SLC25A40: variants seen among roughly 807,000 people sequenced by gnomAD.
SLC25A40 encodes mitochondrial glutathione transporter SLC25A40.
In SLC25A40, 41 loss-of-function variants were observed where a neutral mutation model predicts 46.5. The ratio of observed to expected loss-of-function variants is 0.88; its 90% confidence interval spans 0.69 to 1.14. The LOEUF (loss-of-function observed/expected upper bound fraction) is 1.14. Among genes scored for constraint, SLC25A40 ranks in the 50% most tolerant of loss-of-function variants. SLC25A40 has a pLI of 0.00. For synonymous variants in SLC25A40, 126 were observed against 127.5 expected (o/e 0.99, Z 0.08); for missense variants, 386 against 393.6 (o/e 0.98, Z 0.16).
chr7:87,852,239 G>A (rs1423524931), intron 5 of SLC25A40, among the ~76,000 whole-genome samples: 1 of 151,982 alleles, frequency 6.6e-6, no homozygotes, highest in African/African-American at 2.4e-5. Flanking sequence ...GATTTATGTG[G>A]AAAGACAAAG....
chr7:87,861,451 A>C (rs934597130), intron 1 of SLC25A40, among the ~76,000 whole-genome samples: 1 of 152,190 alleles, frequency 6.6e-6, no homozygotes, highest in African/African-American at 2.4e-5. Context: ...AAGGACCATA[A>C]TGTTCTAATA....
chr7:87,864,132 G>C (rs1039975611), intron 1 of SLC25A40, among the ~76,000 whole-genome samples: 1 of 152,156 alleles, frequency 6.6e-6, no homozygotes, highest in Non-Finnish European at 1.5e-5. Context: ...ATGTCTGAAT[G>C]ATCTGTCCAT....
At chr7:87,858,387 T>C (rs1375242909) in intron 3 of SLC25A40, among the ~76,000 whole-genome samples, 3 of 152,142 alleles carry the variant, frequency 2.0e-5, no homozygotes, top group Non-Finnish European at 2.9e-5. Flanking sequence ...CCCCTCCCCT[T>C]TTGAAATCCT....
At chr7:87,848,113 T>C in intron 6 of SLC25A40, 136 bp from the exon 7 acceptor site, 1 of 965,338 alleles carries the variant, frequency 1.0e-6, no homozygotes. Flanking sequence ...TAAATCAGCC[T>C]ATGAGATCAA....
chr7:87,841,823 C>T (rs910092053), intron 9 of SLC25A40, 109 bp from the exon 10 acceptor site: 14 of 517,824 alleles, frequency 2.7e-5, no homozygotes, highest in Non-Finnish European at 3.7e-5. Flanking sequence ...AAACAATAAC[C>T]GAACTTTAAA....
intron 1 of SLC25A40, among the ~76,000 whole-genome samples, chr7:87,868,784 T>C (rs1008402767): frequency 6.6e-6 from 1 of 152,170 alleles, no homozygotes; most frequent in African/African-American, 2.4e-5. Flanking sequence ...TCTCAGGTTT[T>C]TATGAAGGCT....
rs998017655 is a variant in SLC25A40, at chr7:87,840,737, C to A, written c.823+896G>T. Among the ~76,000 whole-genome samples, 10 of 151,704 alleles carry A rather than the reference C, an allele frequency of 6.6e-5. 1 individual carries two copies. In the South Asian group the frequency reaches 1.4e-3, roughly 22 times the overall value. ...ATATAATAAAATTTTGATTACCTCC[C>A]AGGTTTTCATTAGCTTCTAATATAA... is the stretch of plus-strand genomic sequence containing the variant. On this transcript the variant is annotated intron_variant, in intron 10 of 11. Coordinates refer to ENST00000341119, the MANE Select transcript of SLC25A40 (RefSeq NM_018843.4).
chr7:87,863,809 T>C (rs1164339133), intron 1 of SLC25A40, among the ~76,000 whole-genome samples: 1 of 152,162 alleles, frequency 6.6e-6, no homozygotes, highest in African/African-American at 2.4e-5. Flanking sequence ...TCTTATTTCT[T>C]CTAACTGAAA....
chr7:87,836,316 A>C lies in SLC25A40; in HGVS notation c.950T>G (p.Met317Arg). 6.4e-7 allele frequency: 1 copy of C among 1,569,424 alleles called. No individual in the cohort carries two copies. The highest frequency in any genetic ancestry group is 8.6e-7 in the Non-Finnish European group (1 of 1,162,008). Residue 317 changes from methionine to arginine, a missense_variant, in exon 12 of 12, where the codon ATG (methionine) becomes AGG (arginine). Transcript: ENST00000341119. ...CTTTCCAAATTCATATGTACTGATCATAATGGCACAAGCAGGAGCAATTTT... is the reference window on the plus strand; with the variant it reads ...CTTTCCAAATTCATATGTACTGATCCTAATGGCACAAGCAGGAGCAATTTT... ...LIKIAPACAI[M>R]ISTYEFGKAF...
intron 5 of SLC25A40, among the ~76,000 whole-genome samples, chr7:87,852,284 A>T (rs1015976507): frequency 7.9e-5 from 12 of 152,340 alleles, no homozygotes; most frequent in South Asian, 2.1e-4. Flanking sequence ...CTTTGAAAAA[A>T]AAATAAATAA....
At chr7:87,844,806 G>GA (rs1343777550) in intron 8 of SLC25A40, among the ~76,000 whole-genome samples, 1 of 151,702 alleles carries the variant, frequency 6.6e-6, no homozygotes, top group Non-Finnish European at 1.5e-5. Context: ...GGGGGCAGTG[G>GA]GGGTATACCT....
chr7:87,874,765 T>C (rs1179761620), intron 1 of SLC25A40, among the ~76,000 whole-genome samples: 1 of 152,220 alleles, frequency 6.6e-6, no homozygotes, highest in African/African-American at 2.4e-5. Flanking sequence ...AAATTGGGGC[T>C]CAAAATTACC....
chr7:87,835,451 T>C lies in SLC25A40; in HGVS notation c.*798A>G, dbSNP rs761105936. On this transcript the variant is annotated 3_prime_UTR_variant, in exon 12 of 12. Transcript: ENST00000341119. Reference sequence around the variant, plus strand: ...AGAGCTAAAAATCAGAGGCTATTCCTGTGTGCAAACTATTTTTACCAGTCT... The same window carrying C: ...AGAGCTAAAAATCAGAGGCTATTCCCGTGTGCAAACTATTTTTACCAGTCT... The C allele has an allele frequency of 2.0e-5, 3 of 151,716 alleles. No homozygotes were observed. The highest frequency in any genetic ancestry group is 4.4e-5 in the Non-Finnish European group (3 of 67,734). The allele number at this position is 151,716 out of a possible 1,614,324, so 9.4% of individuals were successfully genotyped here.
chr7:87,869,570 C>T (rs1195183041), intron 1 of SLC25A40, among the ~76,000 whole-genome samples: 1 of 151,868 alleles, frequency 6.6e-6, no homozygotes, highest in Non-Finnish European at 1.5e-5. Context: ...AACCTCTCCC[C>T]TTTATTCTAT....
chr7:87,845,379 G>A (rs900307394), intron 8 of SLC25A40, among the ~76,000 whole-genome samples: 3 of 152,090 alleles, frequency 2.0e-5, no homozygotes, highest in Non-Finnish European at 4.4e-5. Flanking sequence ...GAGCATTACC[G>A]CCTGAGCTCC....
Position 87,849,885 on chromosome 7 carries a change from T to C in SLC25A40, c.328A>G (p.Thr110Ala), listed in dbSNP as rs1450047390. The stretch of plus-strand genomic sequence containing the variant: ...AAACATTAAATTTCAACTTACAGGG[T>C]AGGAGGAAGGCCACTCCATAGAGAT... Reference protein sequence around the residue: ...IKSLWSGLPPTLVMAVPATVI... With the variant: ...IKSLWSGLPPALVMAVPATVI... The change falls in exon 6 of 12, where the codon ACC (threonine) becomes GCC (alanine). Residue 110 changes from threonine to alanine, a missense_variant. Coordinates refer to ENST00000341119, the MANE Select transcript of SLC25A40 (RefSeq NM_018843.4). 2 of 1,589,186 alleles carry C rather than the reference T, an allele frequency of 1.3e-6. No individual in the cohort carries two copies. The highest frequency in any genetic ancestry group is 1.7e-6 in the Non-Finnish European group (2 of 1,167,856).
At chr7:87,839,702 G>C (rs1035908120) in intron 10 of SLC25A40, among the ~76,000 whole-genome samples, 5 of 151,704 alleles carry the variant, frequency 3.3e-5, no homozygotes, top group African/African-American at 1.2e-4. Flanking sequence ...GCTCTTTGAG[G>C]ATTTGGGTAA....
chr7:87,840,691 C>T (rs1358000761), intron 10 of SLC25A40, among the ~76,000 whole-genome samples: 2 of 151,768 alleles, frequency 1.3e-5, no homozygotes, highest in Non-Finnish European at 1.5e-5. Flanking sequence ...ATGCCTAAAA[C>T]AGGGAAGTGG....
intron 10 of SLC25A40, among the ~76,000 whole-genome samples, chr7:87,839,613 G>C (rs1838302359): frequency 6.6e-6 from 1 of 151,588 alleles, no homozygotes; most frequent in African/African-American, 2.4e-5. Flanking sequence ...TTAGGTAAAA[G>C]TTATTTCTGT....
Sources: allele counts gnomAD v4.1 joint callset (sites outside exome capture counted in the v4.1 genomes callset), GRCh38; gene constraint gnomAD v4.1.1; transcripts MANE v1.5; gene names NCBI Gene and HGNC (gene_info 2026-07-23, HGNC 2026-07-21).